KCNQ3: variants seen among roughly 807,000 people sequenced by gnomAD.
KCNQ3 encodes the protein potassium voltage-gated channel subfamily Q member 3, also known as potassium voltage-gated channel subfamily KQT member 3.
A neutral mutation model predicts 92.5 loss-of-function variants in KCNQ3; 30 were observed. That is an observed-to-expected ratio of 0.32 (90% confidence interval 0.24 to 0.44). The LOEUF (loss-of-function observed/expected upper bound fraction) is 0.44. KCNQ3 is among the 20% of genes least tolerant of loss of function. KCNQ3 has a pLI of 1.00. For missense variants in KCNQ3, 913 were observed against 1,140.3 expected (o/e 0.80, Z 2.87); for synonymous variants, 450 against 468.8 (o/e 0.96, Z 0.52).
chr8:132,172,845 C>G (rs746071427), intron 6 of KCNQ3, 152 bp from the exon 7 acceptor site: 5 of 684,248 alleles, frequency 7.3e-6, no homozygotes, highest in Non-Finnish European at 1.3e-5. Context: ...GGGAAAGAGC[C>G]CTTCCTTCTC....
chr8:132,263,445 G>T (rs59148829), intron 1 of KCNQ3, among the ~76,000 whole-genome samples: 2 of 152,118 alleles, frequency 1.3e-5, no homozygotes, highest in Non-Finnish European at 2.9e-5. Context: ...GTGGGCAAGC[G>T]CTGTCCCAAG....
chr8:132,433,704 A>G (rs1821311191), intron 1 of KCNQ3, among the ~76,000 whole-genome samples: 1 of 151,892 alleles, frequency 6.6e-6, no homozygotes, highest in African/African-American at 2.4e-5. Flanking sequence ...AGCCTGGCCA[A>G]CATGGCAAAA....
chr8:132,424,152 C>T (rs994599873), intron 1 of KCNQ3, among the ~76,000 whole-genome samples: 2 of 149,310 alleles, frequency 1.3e-5, no homozygotes, highest in African/African-American at 4.9e-5. Flanking sequence ...CTGGCTTTCT[C>T]CAAGCACAGC....
intron 1 of KCNQ3, among the ~76,000 whole-genome samples, chr8:132,420,871 G>A (rs1386554584): frequency 3.3e-5 from 5 of 152,070 alleles, no homozygotes; most frequent in African/African-American, 7.2e-5. Context: ...CCTCGACCTC[G>A]GTCACTCCAG....
At position 132,304,074 on chromosome 8, in the gene KCNQ3, C is replaced by T. The variant is rs539106097; in HGVS notation, c.387-117893G>A. ...AACAGAAAGTCAAATACTGCATATT[C>T]TCTCTTGTAAATGGGAAATAAACCT... is the stretch of plus-strand genomic sequence containing the variant. On this transcript the variant is annotated intron_variant, in intron 1 of 14. Coordinates refer to ENST00000388996, the MANE Select transcript of KCNQ3 (RefSeq NM_004519.4). Among the ~76,000 whole-genome samples, 14 of 152,078 alleles carry T rather than the reference C, an allele frequency of 9.2e-5. No homozygotes were observed. In the South Asian group the frequency reaches 1.5e-3, roughly 16 times the overall value.
At chr8:132,278,394 C>T (rs181962765) in intron 1 of KCNQ3, among the ~76,000 whole-genome samples, 22 of 152,334 alleles carry the variant, frequency 1.4e-4, no homozygotes, top group Non-Finnish European at 2.6e-4. Context: ...AGTGCTGCGT[C>T]GACACATGCT....
chr8:132,126,223 C>T lies in KCNQ3; in HGVS notation c.*3039G>A, dbSNP rs968203581. On this transcript the variant is annotated 3_prime_UTR_variant, in exon 15 of 15. Transcript: ENST00000388996. ...GCAATTTCTTGGGCAAGTTTCAGAA[C>T]GACTAGTATATCTGTGGTCATGTCA... 7.9e-5 allele frequency: 12 copies of T among 152,292 alleles called. No individual in the cohort carries two copies. Among genetic ancestry groups the T allele is most frequent in the Admixed American group, 3.9e-4 (6 of 15,294 alleles). The allele number at this position is 152,292 out of a possible 1,614,324, so 9.4% of individuals were successfully genotyped here. A position where few individuals can be genotyped will look rare whatever the true frequency, so the allele number is the denominator to read the frequency against.
At chr8:132,406,131 A>G (rs1008593952) in intron 1 of KCNQ3, among the ~76,000 whole-genome samples, 1 of 152,226 alleles carries the variant, frequency 6.6e-6, no homozygotes, top group South Asian at 2.1e-4. Context: ...CCTGATAGAA[A>G]GAAGGGTGTC....
chr8:132,406,637 C>T (rs573426990), intron 1 of KCNQ3, among the ~76,000 whole-genome samples: 4 of 152,204 alleles, frequency 2.6e-5, no homozygotes, highest in Non-Finnish European at 4.4e-5. Flanking sequence ...GACACGAACA[C>T]ACACACACAC....
Position 132,129,110 on chromosome 8 carries a change from T to C in KCNQ3, c.*152A>G. 3 of 793,850 alleles carry C rather than the reference T, an allele frequency of 3.8e-6. No homozygotes were observed. The highest frequency in any genetic ancestry group is 6.1e-6 in the Non-Finnish European group (3 of 490,614). 49.2% of individuals were successfully genotyped at this position (793,850 alleles called of 1,614,324 possible). A position where few individuals can be genotyped will look rare whatever the true frequency, so the allele number is the denominator to read the frequency against. On this transcript the variant is annotated 3_prime_UTR_variant, in exon 15 of 15. Coordinates refer to ENST00000388996, the MANE Select transcript of KCNQ3 (RefSeq NM_004519.4). The surrounding 1 kb of genome is among the most constrained non-coding windows in gnomAD (Gnocchi z 5.9). ...TGTGGTGACATGGGGAGGAAGAGGC[T>C]GTGGGAAGCCCCTGCCTGGGTGGGG...
rs1490881971 is a variant in KCNQ3 at position 132,122,437 on chromosome 8, G to A, written c.*6825C>T. On this transcript the variant is annotated 3_prime_UTR_variant, in exon 15 of 15. Coordinates refer to ENST00000388996, the MANE Select transcript of KCNQ3 (RefSeq NM_004519.4). ...TATCAAATTGCAGTCCATTCGACAA[G>A]TCTAAGAGGAATTACAAATACATTC... 1 of 152,188 alleles carries A rather than the reference G, an allele frequency of 6.6e-6. No individual in the cohort carries two copies. The highest frequency in any genetic ancestry group is 1.5e-5 in the Non-Finnish European group (1 of 68,044). The allele number at this position is 152,188 out of a possible 1,614,324, so 9.4% of individuals were successfully genotyped here. A position where few individuals can be genotyped will look rare whatever the true frequency, so the allele number is the denominator to read the frequency against.
intron 1 of KCNQ3, among the ~76,000 whole-genome samples, chr8:132,365,143 C>T (rs1377982912): frequency 1.3e-5 from 2 of 152,152 alleles, no homozygotes; most frequent in African/African-American, 2.4e-5. Context: ...TTCCTTTTTA[C>T]ACCCAGAGTC....
chr8:132,228,302 A>G (rs1312135295), intron 1 of KCNQ3, among the ~76,000 whole-genome samples: 8 of 152,198 alleles, frequency 5.3e-5, no homozygotes, highest in Admixed American at 5.2e-4. Context: ...CAGTATGGAC[A>G]GAAAGGCACT....
chr8:132,340,789 A>T (rs1259468231), intron 1 of KCNQ3, among the ~76,000 whole-genome samples: 1 of 152,222 alleles, frequency 6.6e-6, no homozygotes, highest in Non-Finnish European at 1.5e-5. Flanking sequence ...GTAAAATAAA[A>T]TAAAAAAAGA....
intron 1 of KCNQ3, among the ~76,000 whole-genome samples, chr8:132,477,833 C>T (rs113930804): frequency 0.022 from 3,315 of 152,266 alleles, 49 homozygotes; most frequent in African/African-American, 0.025. Context: ...CACCCAGTGA[C>T]GCTCAGCAAA....
chr8:132,277,401 A>G (rs1816368718), intron 1 of KCNQ3, among the ~76,000 whole-genome samples: 1 of 152,162 alleles, frequency 6.6e-6, no homozygotes, highest in Non-Finnish European at 1.5e-5. Flanking sequence ...TGGAATAGGC[A>G]CAGATCATGC....
intron 1 of KCNQ3, among the ~76,000 whole-genome samples, chr8:132,225,046 G>T (rs1814365442): frequency 6.6e-6 from 1 of 152,170 alleles, no homozygotes; most frequent in Non-Finnish European, 1.5e-5. Flanking sequence ...TAAAGAATGA[G>T]ACAGAATAGA....
chr8:132,331,667 G>C (rs1283140059), intron 1 of KCNQ3, among the ~76,000 whole-genome samples: 1 of 152,146 alleles, frequency 6.6e-6, no homozygotes, highest in Non-Finnish European at 1.5e-5. Context: ...AAGGACCTGT[G>C]TCCACTGGGA....
intron 1 of KCNQ3, among the ~76,000 whole-genome samples, chr8:132,197,837 G>A (rs1586821827): frequency 1.3e-5 from 2 of 152,108 alleles, no homozygotes. Context: ...GTGATGTGAG[G>A]TTTCACTTTA....
Sources: allele counts gnomAD v4.1 joint callset (sites outside exome capture counted in the v4.1 genomes callset), GRCh38; gene constraint gnomAD v4.1.1; non-coding constraint Gnocchi (gnomAD v3.1); transcripts MANE v1.5; gene names NCBI Gene and HGNC (gene_info 2026-07-23, HGNC 2026-07-21).